TSPAN32: variants seen among roughly 807,000 people sequenced by gnomAD.
TSPAN32 encodes tetraspanin-32.
In TSPAN32, 47 loss-of-function variants were observed where a neutral mutation model predicts 42.7. The ratio of observed to expected loss-of-function variants is 1.10; its 90% CI spans 0.87 to 1.40. The LOEUF (loss-of-function observed/expected upper bound fraction) is 1.40, where lower values mean the gene tolerates loss of function less well. TSPAN32 is among the 40% of genes most tolerant of loss of function. TSPAN32 has a pLI of 0.00. For synonymous variants in TSPAN32, 175 were observed against 175.9 expected (o/e 0.99, Z 0.04); for missense variants, 469 against 424.1 (o/e 1.11, Z -0.93).
At chr11:2,308,841 G>A (rs1297834451) in intron 4 of TSPAN32, 31 bp downstream of exon 4, 17 of 1,468,374 alleles carry the variant, frequency 1.2e-5, no homozygotes, top group Non-Finnish European at 1.6e-5. Flanking sequence ...CCCTGCAGTG[G>A]AGGGTCCCCC....
chr11:2,316,136 G>A, intron 6 of TSPAN32, 93 bp from the exon 7 acceptor site: 1 of 1,519,290 alleles, frequency 6.6e-7, no homozygotes. Flanking sequence ...ATTGGCCTAG[G>A]TGGGCGCTGC....
chr11:2,305,370 G>GCCCC (rs3034695), intron 3 of TSPAN32, among the ~76,000 whole-genome samples: 1,673 of 134,914 alleles, frequency 0.012, 40 homozygotes, highest in Non-Finnish European at 0.017. Flanking sequence ...CAGGTAGTCT[G>GCCCC]CCCCCCCCCC....
chr11:2,315,201 T>C (rs1224872407), intron 6 of TSPAN32: 5 of 721,406 alleles, frequency 6.9e-6, no homozygotes, highest in South Asian at 2.4e-5. Flanking sequence ...CCCTCCCCGC[T>C]CCCCTCCCCT....
intron 1 of TSPAN32, 169 bp from the exon 2 acceptor site, chr11:2,302,673 AGT>A (rs530601918): frequency 9.1e-5 from 56 of 614,414 alleles, no homozygotes; most frequent in African/African-American, 8.8e-4. Context: ...GGGCGTCTGC[AGT>A]GAAGGCCTCC....
intron 6 of TSPAN32, chr11:2,315,996 C>T: frequency 1.3e-6 from 2 of 1,533,932 alleles, no homozygotes; most frequent in Non-Finnish European, 1.7e-6. Flanking sequence ...CCGGCCGGGC[C>T]CAGGGCAGTG....
chr11:2,315,229 C>A, intron 6 of TSPAN32: 1 of 1,194,108 alleles, frequency 8.4e-7, no homozygotes. Flanking sequence ...TGGAAACAAA[C>A]CCACCCTATC....
At position 2,313,679 on chromosome 11, in the gene TSPAN32, A is replaced by G. The variant is rs767136719; in HGVS notation, c.380A>G (p.Tyr127Cys). Residue 127 changes from tyrosine to cysteine, a missense_variant, in exon 5 of 10, where the codon TAC becomes TGC. Physicochemically the swap from Tyr to Cys is radical, Grantham distance 194 (BLOSUM62 -2). Transcript: ENST00000182290. The surrounding 1 kb of genome is among the most constrained non-coding windows in gnomAD (Gnocchi z 9.1). ...TQVEDAMLDT[Y>C]DLVYEQAMKG... ...GTGGAGGACGCCATGCTGGACACCT[A>G]CGACCTGGTATATGAGCAGGCGATG... The G allele has an allele frequency of 4.4e-6, 7 of 1,608,352 alleles. No individual in the cohort carries two copies. The Admixed American group carries it at 1.0e-4, about 23-fold the overall frequency.
intron 5 of TSPAN32, among the ~76,000 whole-genome samples, chr11:2,314,190 A>T (rs1479796491): frequency 6.6e-6 from 1 of 151,962 alleles, no homozygotes; most frequent in African/African-American, 2.4e-5. Context: ...AAAAGAAAAA[A>T]TAAAAGCACA....
intron 4 of TSPAN32, among the ~76,000 whole-genome samples, chr11:2,311,860 C>T (rs1210920014): frequency 3.9e-5 from 6 of 152,362 alleles, no homozygotes; most frequent in Admixed American, 1.3e-4. Flanking sequence ...TGGAGACAGA[C>T]GGTGAAGCAT....
intron 5 of TSPAN32, among the ~76,000 whole-genome samples, chr11:2,314,162 TAAAAAAAAA>T (rs34185560): frequency 5.8e-5 from 8 of 137,702 alleles, no homozygotes; most frequent in Admixed American, 2.2e-4. Context: ...GTCTCTACTT[TAAAAAAAAA>T]AAAAAAAGAA....
chr11:2,308,760 T>C lies in TSPAN32; in HGVS notation c.304T>C (p.Phe102Leu). Reference protein sequence around the residue: ...AGGFLCFSLAFCAQVQVVFWR... With the variant: ...AGGFLCFSLALCAQVQVVFWR... ...GGGCTTCCTGTGCTTCTCCCTGGCG[T>C]TCTGCGCACAGGTGCAGGTGGTGTT... The change falls in exon 4 of 10, where the codon TTC (phenylalanine) becomes CTC (leucine). Residue 102 changes from phenylalanine to leucine, a missense_variant. Transcript: ENST00000182290. The C allele has an allele frequency of 6.4e-7, 1 of 1,555,160 alleles. No homozygotes were observed. The highest frequency in any genetic ancestry group is 8.7e-7 in the Non-Finnish European group (1 of 1,148,682).
chr11:2,309,391 C>A, intron 4 of TSPAN32: 2 of 468,114 alleles, frequency 4.3e-6, no homozygotes, highest in Non-Finnish European at 8.8e-6. Flanking sequence ...TGGGCAGGGG[C>A]CAAGGGCGTC....
Position 2,317,151 on chromosome 11 carries a change from A to G in TSPAN32, c.720-193A>G, listed in dbSNP as rs115872225. Among the ~76,000 whole-genome samples, 2,381 of 152,140 alleles carry G rather than the reference A, an allele frequency of 0.016. 60 individuals carry two copies. Among genetic ancestry groups the G allele is most frequent in the African/African-American group, 0.055 (2,297 of 41,458 alleles). On this transcript the variant is annotated intron_variant, in intron 8 of 9. Transcript: ENST00000182290. This position sits in a 1 kb window ranked among gnomAD's most constrained non-coding sequence, Gnocchi z 6.2. ...ATCCCTGGGTCCTCTGCATTCTACA[A>G]TAGCCTCACAGTCCCGTCTAGAACA... is the stretch of plus-strand genomic sequence containing the variant.
Position 2,309,767 on chromosome 11 carries a change from T to C in TSPAN32, c.354+957T>C, listed in dbSNP as rs566394581. ...GGGCCTGCTGTGCAGTTTCTTGAGC[T>C]GTGCTGGCAGCCTGAGTGTGGTGGT... is the stretch of plus-strand genomic sequence containing the variant. On this transcript the variant is annotated intron_variant, in intron 4 of 9. Transcript: ENST00000182290. Among the ~76,000 whole-genome samples, 7 of 152,094 alleles carry C rather than the reference T, an allele frequency of 4.6e-5. No homozygotes were observed. In the South Asian group the frequency reaches 1.5e-3, roughly 32 times the overall value.
chr11:2,315,672 G>A (rs758749827), intron 6 of TSPAN32: 55 of 1,191,264 alleles, frequency 4.6e-5, no homozygotes, highest in Non-Finnish European at 5.7e-5. Context: ...CGCCCCAGTT[G>A]CCATCATCTC....
rs147630481 is a variant in TSPAN32, at chr11:2,313,680, C to T, written c.381C>T (p.Tyr127=). 116 of 1,608,386 alleles carry T rather than the reference C, an allele frequency of 7.2e-5. No homozygotes were observed. The highest frequency in any genetic ancestry group is 1.6e-4 in the Middle Eastern group (1 of 6,078). ...TGGAGGACGCCATGCTGGACACCTA[C>T]GACCTGGTATATGAGCAGGCGATGA... ...TQVEDAMLDT[Y]DLVYEQAMKG... Residue 127 remains tyrosine, a synonymous_variant, in exon 5 of 10, where the codon TAC becomes TAT. Transcript: ENST00000182290. This position sits in a 1 kb window ranked among gnomAD's most constrained non-coding sequence, Gnocchi z 9.1.
chr11:2,317,506 C>T lies in TSPAN32; in HGVS notation c.882C>T (p.Cys294=). The change falls in exon 9 of 10, where the codon TGC becomes TGT. Residue 294 remains cysteine, a synonymous_variant. Transcript: ENST00000182290. The surrounding 1 kb of genome is among the most constrained non-coding windows in gnomAD (Gnocchi z 6.2). The stretch of plus-strand genomic sequence containing the variant: ...ATGCTGCGCCTCTGCCCCTCTCCTG[C>T]CACCTGGCTGCCCACAGAGGTGAAG... The part of the protein sequence containing the change: ...ESDAAPLPLS[C]HLAAHRALQG... 2 of 1,585,928 alleles carry T rather than the reference C, an allele frequency of 1.3e-6. No homozygotes were observed.
intron 6 of TSPAN32, 137 bp downstream of exon 6, chr11:2,314,708 G>A: frequency 1.5e-6 from 1 of 679,912 alleles, no homozygotes; most frequent in Non-Finnish European, 2.5e-6. Context: ...CCGCTGAAGG[G>A]CTCAGGGAAG....
At position 2,316,239 on chromosome 11, in the gene TSPAN32, A is replaced by G. The variant is rs1379404344; in HGVS notation, c.554A>G (p.Gln185Arg). 1 of 1,590,018 alleles carries G rather than the reference A, an allele frequency of 6.3e-7. No individual in the cohort carries two copies. Among genetic ancestry groups the G allele is most frequent in the East Asian group, 2.3e-5 (1 of 43,974 alleles). The part of the protein sequence containing the change: ...GEEAAREDCL[Q>R]GIRSFLRTHQ... Reference sequence around the variant, plus strand: ...GCTGCCCTCTCACAGGACTGCCTTCAGGGCATCCGGAGCTTCCTGAGGACA... The same window carrying G: ...GCTGCCCTCTCACAGGACTGCCTTCGGGGCATCCGGAGCTTCCTGAGGACA... Residue 185 changes from glutamine (Q) to arginine (R), a missense_variant, in exon 7 of 10, where the codon CAG (glutamine) becomes CGG (arginine). Transcript: ENST00000182290.
Sources: allele counts gnomAD v4.1 joint callset (sites outside exome capture counted in the v4.1 genomes callset), GRCh38; gene constraint gnomAD v4.1.1; non-coding constraint Gnocchi (gnomAD v3.1); transcripts MANE v1.5; gene names NCBI Gene and HGNC (gene_info 2026-07-23, HGNC 2026-07-21).